MAST4: variants seen among roughly 807,000 people sequenced by gnomAD.
The protein encoded by MAST4 is microtubule associated serine/threonine kinase family member 4.
Under a neutral mutation model 162.7 loss-of-function variants are expected in MAST4, and 89 were observed. That is an observed-to-expected ratio of 0.55 (90% CI 0.46 to 0.65). The LOEUF is 0.65. Among genes scored for constraint, MAST4 ranks in the 30% least tolerant of loss-of-function variants. The probability of loss-of-function intolerance (pLI) is 0.00; values close to 1 mark genes in which losing one functional copy is unlikely to be tolerated. For missense variants in MAST4, 3,153 were observed against 3,374.0 expected, an observed-to-expected ratio of 0.93 and a Z score of 1.62; for synonymous variants, 1,479 against 1,361.1, an observed-to-expected ratio of 1.09 and a Z score of -1.91.
intron 1 of MAST4, among the ~76,000 whole-genome samples, chr5:66,676,411 T>C (rs1363534763): frequency 3.9e-5 from 6 of 152,332 alleles, no homozygotes; most frequent in African/African-American, 1.2e-4. Context: ...TATTTGCCCA[T>C]GTTACTTTCA....
At position 67,079,244 on chromosome 5, in the gene MAST4, A is replaced by G. The variant is rs573388729; in HGVS notation, c.764-10918A>G. On this transcript the variant is annotated intron_variant, in intron 5 of 28. Coordinates refer to ENST00000403625, the MANE Select transcript of MAST4 (RefSeq NM_001164664.2). ...TCATTCATAAAATACTAAGTAAATG[A>G]TGCTAACTGAAATATTGGGATATTT... 4.6e-5 allele frequency among the ~76,000 whole-genome samples: 7 copies of G among 152,144 alleles called. No individual in the cohort carries two copies. In the South Asian group the frequency reaches 1.5e-3, roughly 32 times the overall value.
chr5:66,652,781 G>A (rs576240761), intron 1 of MAST4, among the ~76,000 whole-genome samples: 1 of 152,186 alleles, frequency 6.6e-6, no homozygotes, highest in African/African-American at 2.4e-5. Flanking sequence ...TTTGGAGTTT[G>A]GGCATAAATA....
At chr5:66,863,600 TTTC>T (rs967035875) in intron 3 of MAST4, among the ~76,000 whole-genome samples, 5 of 152,168 alleles carry the variant, frequency 3.3e-5, no homozygotes, top group African/African-American at 1.2e-4. Flanking sequence ...CTCTGCACCC[TTTC>T]TTCTTCTTCC....
At chr5:66,848,059 C>T (rs1044119394) in intron 3 of MAST4, among the ~76,000 whole-genome samples, 4 of 152,034 alleles carry the variant, frequency 2.6e-5, no homozygotes, top group African/African-American at 9.7e-5. Context: ...TTGTTTAAGT[C>T]ACTGTGATTT....
At chr5:66,746,265 A>C (rs1163842873) in intron 1 of MAST4, among the ~76,000 whole-genome samples, 1 of 152,202 alleles carries the variant, frequency 6.6e-6, no homozygotes, top group Non-Finnish European at 1.5e-5. Context: ...GGTTCTAAGA[A>C]TCCTGTCTTT....
chr5:66,644,299 A>G (rs191306503), intron 1 of MAST4, among the ~76,000 whole-genome samples: 7 of 152,228 alleles, frequency 4.6e-5, no homozygotes, highest in East Asian at 1.9e-4. Context: ...TATTCAAGGG[A>G]TATTTAGGAG....
chr5:66,893,372 A>ATTTT (rs34342512), intron 3 of MAST4, among the ~76,000 whole-genome samples: 2 of 143,174 alleles, frequency 1.4e-5, no homozygotes, highest in African/African-American at 5.2e-5. Context: ...CGCCCAGCTA[A>ATTTT]TTTTTTTTTT....
chr5:66,923,488 A>C (rs967867474), intron 4 of MAST4, among the ~76,000 whole-genome samples: 1 of 152,224 alleles, frequency 6.6e-6, no homozygotes, highest in African/African-American at 2.4e-5. Flanking sequence ...ACAAAACAAA[A>C]TCATGCAACT....
chr5:66,962,237 G>A (rs1355651682), intron 4 of MAST4, among the ~76,000 whole-genome samples: 1 of 152,176 alleles, frequency 6.6e-6, no homozygotes, highest in Non-Finnish European at 1.5e-5. Context: ...ACATGATACA[G>A]TGTAGAGCCA....
chr5:66,910,741 CTTT>C (rs1176127841), intron 4 of MAST4, among the ~76,000 whole-genome samples: 6 of 20,090 alleles, frequency 3.0e-4, no homozygotes, highest in Non-Finnish European at 6.3e-4. Context: ...TTTTTTTTTT[CTTT>C]TTTTTTTTTT....
intron 10 of MAST4, among the ~76,000 whole-genome samples, chr5:67,109,743 A>C (rs960000325): frequency 2.0e-5 from 3 of 152,216 alleles, no homozygotes; most frequent in Admixed American, 6.5e-5. Context: ...TAACTGGAAA[A>C]TCAAGGTTCT....
chr5:66,683,758 A>G (rs1561259953), intron 1 of MAST4, among the ~76,000 whole-genome samples: 1 of 152,038 alleles, frequency 6.6e-6, no homozygotes, highest in Non-Finnish European at 1.5e-5. Flanking sequence ...AGTAAGTTAG[A>G]CTCCTGGGAT....
chr5:66,658,315 A>G (rs1388701495), intron 1 of MAST4, among the ~76,000 whole-genome samples: 1 of 152,232 alleles, frequency 6.6e-6, no homozygotes, highest in Non-Finnish European at 1.5e-5. Flanking sequence ...TGGACTAAAA[A>G]GGAATGCAGT....
chr5:66,992,212 T>G (rs1015748879), intron 4 of MAST4, among the ~76,000 whole-genome samples: 1 of 152,234 alleles, frequency 6.6e-6, no homozygotes, highest in African/African-American at 2.4e-5. Context: ...ATTACCATGC[T>G]GCTATATAAT....
chr5:66,693,141 A>G (rs1018666743), intron 1 of MAST4, among the ~76,000 whole-genome samples: 1 of 152,170 alleles, frequency 6.6e-6, no homozygotes, highest in South Asian at 2.1e-4. Context: ...TGAAAATGTG[A>G]AAGTGTGAAT....
chr5:67,102,754 G>T, intron 9 of MAST4, 143 bp downstream of exon 9: 1 of 674,628 alleles, frequency 1.5e-6, no homozygotes, highest in Non-Finnish European at 2.6e-6. Context: ...TTCTTAGAAA[G>T]AGAAAATAAC....
intron 4 of MAST4, among the ~76,000 whole-genome samples, chr5:66,935,172 A>G (rs1242908224): frequency 6.6e-6 from 1 of 152,218 alleles, no homozygotes; most frequent in Non-Finnish European, 1.5e-5. Flanking sequence ...TGCCACTACC[A>G]GTACTACAAG....
chr5:67,147,874 T>C lies in MAST4; in HGVS notation c.3095-1515T>C, dbSNP rs530521090. 2.6e-5 allele frequency among the ~76,000 whole-genome samples: 4 copies of C among 152,332 alleles called. No homozygotes were observed. In the East Asian group the frequency reaches 7.7e-4, roughly 29 times the overall value. On this transcript the variant is annotated intron_variant, in intron 23 of 28. Transcript: ENST00000403625. ...AGGTTATCTCCCTTTGTTGGTCAGA[T>C]GGGTGTTATGTGGAAGTCCATGAAT...
At chr5:66,653,801 T>C (rs1278053249) in intron 1 of MAST4, among the ~76,000 whole-genome samples, 4 of 152,338 alleles carry the variant, frequency 2.6e-5, no homozygotes, top group African/African-American at 2.4e-5. Flanking sequence ...TCTTTCTTCC[T>C]AGGTGCTTGG....
Sources: allele counts gnomAD v4.1 joint callset (sites outside exome capture counted in the v4.1 genomes callset), GRCh38; gene constraint gnomAD v4.1.1; transcripts MANE v1.5; gene names NCBI Gene and HGNC (gene_info 2026-07-23, HGNC 2026-07-21).